PRUNE2: variants seen among roughly 807,000 people sequenced by gnomAD.
The protein encoded by PRUNE2 is prune homolog 2 with BCH domain.
In PRUNE2, 164 loss-of-function variants were observed where a neutral mutation model predicts 252.0. The observed-to-expected ratio is 0.65, with a 90% CI of 0.57 to 0.74. The LOEUF is 0.74. Among genes scored for constraint, PRUNE2 ranks in the 30% least tolerant of loss-of-function variants. The pLI is 0.00. For missense variants in PRUNE2, 3,495 were observed against 3,711.0 expected (o/e 0.94, Z 1.51); for synonymous variants, 1,292 against 1,350.2 (o/e 0.96, Z 0.94).
chr9:76,833,168 T>G (rs1048869594), intron 4 of PRUNE2, among the ~76,000 whole-genome samples: 1 of 152,146 alleles, frequency 6.6e-6, no homozygotes, highest in Non-Finnish European at 1.5e-5. Flanking sequence ...AGCAAAACCT[T>G]AATACCAATT....
Position 76,791,670 on chromosome 9 carries a change from T to A in PRUNE2, c.756+31962A>T, listed in dbSNP as rs61395307. ...TACTGTACCAATAATACTGACTTCC[T>A]GAGTTTTATCTCATCAAAGGAAGAC... On this transcript the variant is annotated intron_variant, in intron 6 of 18. Transcript: ENST00000376718. 2.3e-3 allele frequency among the ~76,000 whole-genome samples: 349 copies of A among 152,286 alleles called. 2 individuals carry two copies. The highest frequency in any genetic ancestry group is 8.2e-3 in the African/African-American group (340 of 41,566).
chr9:76,758,488 A>T (rs1016415901), intron 6 of PRUNE2: 1 of 151,162 alleles, frequency 6.6e-6, no homozygotes, highest in African/African-American at 2.4e-5. Context: ...TCTGGTTGTT[A>T]TATCTTTAAA....
At chr9:76,714,112 G>A (rs2046953788) in intron 6 of PRUNE2, among the ~76,000 whole-genome samples, 1 of 152,070 alleles carries the variant, frequency 6.6e-6, no homozygotes, top group Non-Finnish European at 1.5e-5. Context: ...ATAGGAGGAA[G>A]TTATTTCTTC....
intron 6 of PRUNE2, chr9:76,758,535 T>C (rs1472450477): frequency 1.3e-5 from 2 of 150,628 alleles, no homozygotes; most frequent in African/African-American, 2.5e-5. Flanking sequence ...AGAGTCTCAC[T>C]GTCAGTTAGG....
chr9:76,692,803 T>C, intron 9 of PRUNE2: 1 of 152,270 alleles, frequency 6.6e-6, no homozygotes, highest in South Asian at 2.1e-4. Flanking sequence ...TGGACAGTAA[T>C]CATGATGTTC....
At chr9:76,731,310 C>T (rs10781374) in intron 6 of PRUNE2, among the ~76,000 whole-genome samples, 1 of 36,660 alleles carries the variant, frequency 2.7e-5, no homozygotes. Context: ...ATCTATCTAT[C>T]TATATATATA....
intron 6 of PRUNE2, among the ~76,000 whole-genome samples, chr9:76,730,379 A>AT (rs1293984697): frequency 6.6e-6 from 1 of 152,194 alleles, no homozygotes; most frequent in Non-Finnish European, 1.5e-5. Context: ...TAATCTTGTG[A>AT]TTTTGAGTCA....
At chr9:76,642,873 T>G (rs150688097) in intron 12 of PRUNE2, among the ~76,000 whole-genome samples, 126 of 152,298 alleles carry the variant, frequency 8.3e-4, no homozygotes, top group Admixed American at 1.3e-3. Context: ...GCACATTTCA[T>G]GCAGGCTGGT....
chr9:76,676,001 C>T (rs1274896342), intron 9 of PRUNE2, among the ~76,000 whole-genome samples: 4 of 149,140 alleles, frequency 2.7e-5, no homozygotes, highest in Non-Finnish European at 5.9e-5. Context: ...ACCAGCATGG[C>T]ACATCTATAC....
chr9:76,863,323 G>A (rs548799012), intron 1 of PRUNE2: 3 of 152,082 alleles, frequency 2.0e-5, no homozygotes, highest in South Asian at 4.2e-4. Flanking sequence ...CATGTTGATC[G>A]GTAATGTTGT....
At chr9:76,731,650 C>T (rs1257401375) in intron 6 of PRUNE2, among the ~76,000 whole-genome samples, 1 of 151,930 alleles carries the variant, frequency 6.6e-6, no homozygotes, top group Non-Finnish European at 1.5e-5. Flanking sequence ...TTTAAACTTA[C>T]AAAACAAAAT....
At chr9:76,670,306 A>G (rs2041094950) in intron 9 of PRUNE2, among the ~76,000 whole-genome samples, 1 of 151,796 alleles carries the variant, frequency 6.6e-6, no homozygotes, top group Non-Finnish European at 1.5e-5. Flanking sequence ...CACCTGGAAA[A>G]TCGGGTCACT....
At chr9:76,738,127 G>C (rs1205627857) in intron 6 of PRUNE2, 6 of 152,004 alleles carry the variant, frequency 3.9e-5, no homozygotes, top group Admixed American at 3.9e-4. Context: ...AATCACTTTG[G>C]TTTAGAGCAC....
intron 6 of PRUNE2, among the ~76,000 whole-genome samples, chr9:76,720,885 G>A (rs2047581320): frequency 6.6e-6 from 1 of 152,082 alleles, no homozygotes; most frequent in Non-Finnish European, 1.5e-5. Context: ...AGGCTGAGGC[G>A]GGCGGATCAC....
chr9:76,777,639 GTCACATT>G (rs1406200519), intron 6 of PRUNE2, among the ~76,000 whole-genome samples: 1 of 152,206 alleles, frequency 6.6e-6, no homozygotes, highest in Non-Finnish European at 1.5e-5. Context: ...CCTCGTGAAA[GTCACATT>G]TCAATGCTGG....
chr9:76,655,373 C>G, intron 10 of PRUNE2, 50 bp downstream of exon 10: 1 of 1,279,742 alleles, frequency 7.8e-7, no homozygotes, highest in Non-Finnish European at 1.1e-6. Flanking sequence ...ATAATGAAAA[C>G]GTTGGGATAC....
At chr9:76,794,863 G>A (rs1217830254) in intron 6 of PRUNE2, among the ~76,000 whole-genome samples, 2 of 152,124 alleles carry the variant, frequency 1.3e-5, no homozygotes, top group Admixed American at 6.5e-5. Context: ...TAAGTTTTAA[G>A]CAAAGTGTCC....
At chr9:76,678,059 A>G (rs1373818331) in intron 9 of PRUNE2, among the ~76,000 whole-genome samples, 1 of 151,886 alleles carries the variant, frequency 6.6e-6, no homozygotes, top group South Asian at 2.1e-4. Flanking sequence ...AAGTTTGTGA[A>G]GCATCATATA....
intron 6 of PRUNE2, among the ~76,000 whole-genome samples, chr9:76,774,456 T>TTATTTATTTATTTA (rs1554761633): frequency 4.5e-5 from 6 of 133,810 alleles, no homozygotes; most frequent in Non-Finnish European, 8.3e-5. Flanking sequence ...AACCCTTTTT[T>TTATTTATTTATTTA]TTTTTTTTTT....
Sources: allele counts gnomAD v4.1 joint callset (sites outside exome capture counted in the v4.1 genomes callset), GRCh38; gene constraint gnomAD v4.1.1; transcripts MANE v1.5; gene names NCBI Gene and HGNC (gene_info 2026-07-23, HGNC 2026-07-21).